The following TRDMT1 variants were observed in gnomAD, a reference collection of about 807,000 sequenced individuals.
TRDMT1 encodes the protein tRNA aspartic acid methyltransferase 1.
A neutral mutation model predicts 51.2 loss-of-function variants in TRDMT1; 49 were observed. That is an observed-to-expected ratio of 0.96 (90% confidence interval 0.76 to 1.21). The LOEUF (loss-of-function observed/expected upper bound fraction) is 1.21, where lower values mean the gene tolerates loss of function less well. Ranked by LOEUF, TRDMT1 falls within the 50% of genes most tolerant of loss-of-function variation. The pLI is 0.00. For missense variants in TRDMT1, 534 were observed against 462.3 expected (o/e 1.16, Z -1.42); for synonymous variants, 187 against 164.6 (o/e 1.14, Z -1.04).
chr10:17,139,895 T>C lies in TRDMT1; in HGVS notation c.*9145A>G, dbSNP rs1837538817. Among the ~76,000 whole-genome samples the C allele has an allele frequency of 6.6e-6, 1 of 152,094 alleles. No individual in the cohort carries two copies. Among genetic ancestry groups the C allele is most frequent in the Admixed American group, 6.5e-5 (1 of 15,272 alleles). ...CTTTGTATGCTTTCTTTATAGTGAC[T>C]TGGACCATATTTGTTACGGAAGTAC... On this transcript the variant is annotated 3_prime_UTR_variant, in exon 11 of 11. Transcript: ENST00000377799.
intron 2 of TRDMT1, chr10:17,171,420 T>G (rs1445376927): frequency 2.0e-5 from 3 of 152,284 alleles, no homozygotes; most frequent in Non-Finnish European, 2.9e-5. Flanking sequence ...GAGAGGGCCC[T>G]CACGTATACA....
Position 17,171,111 on chromosome 10 carries a change from A to ATGTGTGTGTGTG in TRDMT1, c.175-2206_175-2195dup, listed in dbSNP as rs66891484. On this transcript the variant is annotated intron_variant, in intron 2 of 10. Coordinates refer to ENST00000377799, the MANE Select transcript of TRDMT1 (RefSeq NM_004412.7). ...CCATTTGGTATGTTACTGGATTTAG[A>ATGTGTGTGTGTG]TGTGTGTGTGTGTGTGTGTGTGTGT... Among the ~76,000 whole-genome samples the ATGTGTGTGTGTG allele has an allele frequency of 3.6e-4, 52 of 142,930 alleles. 2 individuals carry two copies. The highest frequency in any genetic ancestry group is 3.6e-3 in the South Asian group (16 of 4,488). 93.8% of individuals were successfully genotyped at this position (142,930 alleles called of 152,430 possible). A position where few individuals can be genotyped will look rare whatever the true frequency, so the allele number is the denominator to read the frequency against.
At chr10:17,198,621 T>C (rs377434103) in intron 1 of TRDMT1, among the ~76,000 whole-genome samples, 1 of 152,166 alleles carries the variant, frequency 6.6e-6, no homozygotes, top group African/African-American at 2.4e-5. Context: ...CAAAGCAGAA[T>C]CAAGGTTACC....
chr10:17,179,710 A>T (rs912432505), intron 1 of TRDMT1, among the ~76,000 whole-genome samples: 1 of 151,144 alleles, frequency 6.6e-6, no homozygotes, highest in Non-Finnish European at 1.5e-5. Context: ...GTAAGAAGAG[A>T]TCTTCACAAA....
intron 1 of TRDMT1, 91 bp downstream of exon 1, chr10:17,201,480 T>G: frequency 6.8e-6 from 9 of 1,318,564 alleles, no homozygotes; most frequent in South Asian, 1.3e-5. Flanking sequence ...TGTCCGCCCC[T>G]TGCGTCTCGC....
At chr10:17,154,207 T>A (rs558457753) in intron 9 of TRDMT1, among the ~76,000 whole-genome samples, 1 of 152,238 alleles carries the variant, frequency 6.6e-6, no homozygotes, top group South Asian at 2.1e-4. Context: ...CAAAAAAATA[T>A]AAAACTTGCT....
intron 1 of TRDMT1, 108 bp downstream of exon 1, chr10:17,201,463 C>T: frequency 8.1e-7 from 1 of 1,239,836 alleles, no homozygotes; most frequent in Non-Finnish European, 1.1e-6. Flanking sequence ...CAGTGTCCGC[C>T]CCACAGTGTC....
intron 1 of TRDMT1, among the ~76,000 whole-genome samples, chr10:17,175,576 C>T (rs1464117713): frequency 6.7e-6 from 1 of 149,324 alleles, no homozygotes; most frequent in African/African-American, 2.5e-5. Flanking sequence ...TCAGAGAAAG[C>T]AATACAATAT....
intron 4 of TRDMT1, 43 bp from the exon 5 acceptor site, chr10:17,161,591 T>C: frequency 9.7e-7 from 1 of 1,027,432 alleles, no homozygotes; most frequent in Non-Finnish European, 1.3e-6. Flanking sequence ...ATCTCATTAC[T>C]AAGAAGAAAA....
At chr10:17,149,275 C>T in intron 10 of TRDMT1, 135 bp from the exon 11 acceptor site, 1 of 679,618 alleles carries the variant, frequency 1.5e-6, no homozygotes, top group Non-Finnish European at 2.4e-6. Context: ...GTTTTATTAA[C>T]AAAAGAGAAT....
chr10:17,156,631 C>A (rs1439462834), intron 8 of TRDMT1, among the ~76,000 whole-genome samples: 2 of 151,984 alleles, frequency 1.3e-5, no homozygotes, highest in African/African-American at 2.4e-5. Context: ...CAAAGGAAGC[C>A]CTCTAAATGT....
intron 3 of TRDMT1, among the ~76,000 whole-genome samples, chr10:17,168,373 C>T (rs544689593): frequency 3.9e-5 from 6 of 152,170 alleles, no homozygotes; most frequent in East Asian, 1.9e-4. Context: ...AAAAAATTTC[C>T]GAACTATGAA....
In TRDMT1 at chr10:17,140,483, C is replaced by G. The variant is rs186148785; in HGVS notation, c.*8557G>C. On this transcript the variant is annotated 3_prime_UTR_variant, in exon 11 of 11. Transcript: ENST00000377799. ...AATTGGACAATTATTTATTAGGTAC[C>G]CACTATCTGTCAGCATCTGAGAAAG... 6.6e-6 allele frequency among the ~76,000 whole-genome samples: 1 copy of G among 151,988 alleles called. No individual in the cohort carries two copies. Among genetic ancestry groups the G allele is most frequent in the Non-Finnish European group, 1.5e-5 (1 of 67,990 alleles).
intron 4 of TRDMT1, 56 bp from the exon 5 acceptor site, chr10:17,161,604 TAAAGA>T: frequency 4.3e-6 from 1 of 234,064 alleles, no homozygotes; most frequent in Non-Finnish European, 6.5e-6. Flanking sequence ...GAAGAAAAAG[TAAAGA>T]AAATCATTAC....
intron 10 of TRDMT1, chr10:17,151,251 T>A: frequency 3.1e-6 from 3 of 959,928 alleles, no homozygotes; most frequent in Non-Finnish European, 3.7e-6. Context: ...AAAAGACAAC[T>A]TTTAAAAAAC....
At position 17,148,364 on chromosome 10, in the gene TRDMT1, GTACA is replaced by G. The variant is rs929333030; in HGVS notation, c.*672_*675del. The G allele has an allele frequency of 1.0e-6, 1 of 985,292 alleles. No individual in the cohort carries two copies. Among genetic ancestry groups the G allele is most frequent in the African/African-American group, 1.7e-5 (1 of 57,242 alleles). 61.0% of individuals were successfully genotyped at this position (985,292 alleles called of 1,614,324 possible). A position where few individuals can be genotyped will look rare whatever the true frequency, so the allele number is the denominator to read the frequency against. On this transcript the variant is annotated 3_prime_UTR_variant, in exon 11 of 11. Transcript: ENST00000377799. The stretch of plus-strand genomic sequence containing the variant: ...TTTGATAATAGTCAACTAAAGGAAA[GTACA>G]TACAAAATGAAGAAGGAAAAATGAG...
At position 17,169,232 on chromosome 10, in the gene TRDMT1, G is replaced by T. The variant is rs148241014; in HGVS notation, c.175-315C>A. The T allele has an allele frequency of 8.6e-4, 682 of 794,842 alleles. 4 individuals are homozygous for T. The African/African-American group carries it at 9.9e-3, about 12-fold the overall frequency. 49.2% of individuals were successfully genotyped at this position (794,842 alleles called of 1,614,324 possible). On this transcript the variant is annotated intron_variant, in intron 2 of 10. Transcript: ENST00000377799. Reference sequence around the variant, plus strand: ...TCAAGTGTAACACTGCTGTTTTCTAGAGTAAAACGTGGAGAACCTTATTTT... The same window carrying T: ...TCAAGTGTAACACTGCTGTTTTCTATAGTAAAACGTGGAGAACCTTATTTT...
rs1838095991 is a variant in TRDMT1, at chr10:17,146,237, T to C, written c.*2803A>G. On this transcript the variant is annotated 3_prime_UTR_variant, in exon 11 of 11. Transcript: ENST00000377799. ...CAATTTCAACTACTGTTTTTGCCTCTTTAGAAGGCTCTCCTTTTTGAGGAA... is the reference window on the plus strand; with the variant it reads ...CAATTTCAACTACTGTTTTTGCCTCCTTAGAAGGCTCTCCTTTTTGAGGAA... 1.0e-5 allele frequency: 10 copies of C among 985,482 alleles called. No homozygotes were observed. The South Asian group carries it at 4.7e-4, about 46-fold the overall frequency. 61.0% of individuals were successfully genotyped at this position (985,482 alleles called of 1,614,324 possible).
rs1165096303 is a variant in TRDMT1 at position 17,139,938 on chromosome 10, T to C, written c.*9102A>G. Among the ~76,000 whole-genome samples the C allele has an allele frequency of 6.6e-6, 1 of 151,240 alleles. No individual in the cohort carries two copies. Among genetic ancestry groups the C allele is most frequent in the African/African-American group, 2.4e-5 (1 of 41,178 alleles). On this transcript the variant is annotated 3_prime_UTR_variant, in exon 11 of 11. Transcript: ENST00000377799. ...GGAAGTACTGCTAAATCAAGCTTTG[T>C]CAACAATTCCTAGACTATGTTTAGA...
Sources: allele counts gnomAD v4.1 joint callset (sites outside exome capture counted in the v4.1 genomes callset), GRCh38; gene constraint gnomAD v4.1.1; transcripts MANE v1.5; gene names NCBI Gene and HGNC (gene_info 2026-07-23, HGNC 2026-07-21).